Variants in CYP2A7 observed in about 807,000 individuals in gnomAD.
The protein encoded by CYP2A7 is cytochrome P450 2A7.
A neutral mutation model predicts 42.0 loss-of-function variants in CYP2A7; 36 were observed. That is an observed-to-expected ratio of 0.86 (90% CI 0.66 to 1.13). The LOEUF is 1.13. CYP2A7 is among the 50% of genes most tolerant of loss of function. CYP2A7 has a pLI of 0.00. For synonymous variants in CYP2A7, 260 were observed against 249.5 expected (o/e 1.04, Z -0.40); for missense variants, 661 against 634.1 (o/e 1.04, Z -0.46).
chr19:40,875,734 T>C lies in CYP2A7; in HGVS notation c.1444A>G (p.Thr482Ala), dbSNP rs1286095944. 4.4e-6 allele frequency: 7 copies of C among 1,609,124 alleles called. No homozygotes were observed. Among genetic ancestry groups the C allele is most frequent in the Admixed American group, 1.7e-5 (1 of 59,508 alleles). The change falls in exon 9 of 9, where the codon ACG (threonine) becomes GCG (alanine). Residue 482 changes from threonine (T) to alanine (A), a missense_variant. Around this residue, in one of 3 missense-constraint regions of CYP2A7, gnomAD observed 22 missense variants for 19.3 expected, o/e 1.14. Coordinates refer to ENST00000301146, the MANE Select transcript of CYP2A7 (RefSeq NM_000764.3). ...CTCATGGTGTAGTTTCGTGGGATCG[T>C]GGCAAAGACCACGTGTTTGGGGGAC... ...DVSPKHVVFA[T>A]IPRNYTMSFL...
In CYP2A7 at chr19:40,880,174, C is replaced by A. The variant is rs199790043; in HGVS notation, c.564G>T (p.Gly188=). The A allele has an allele frequency of 1.1e-5, 17 of 1,612,814 alleles. No individual in the cohort carries two copies. The African/African-American group carries it at 2.3e-4, about 22-fold the overall frequency. Residue 188 remains glycine, a synonymous_variant, in exon 4 of 9, where the codon GGG becomes GGT. Transcript: ENST00000301146. ...CTTTGTCCTCATAGTCAAAGCGGTC[C>A]CCAAAGACAATGGAGCTGATGACAT... ...VSNVISSIVF[G]DRFDYEDKEF... is the part of the protein sequence containing the mutation.
rs1962802033 is a variant in CYP2A7 at position 40,875,536 on chromosome 19, C to T, written c.*157G>A. The T allele has an allele frequency of 1.1e-5, 11 of 1,023,642 alleles. No individual in the cohort carries two copies. The South Asian group carries it at 1.5e-4, about 14-fold the overall frequency. 63.4% of individuals were successfully genotyped at this position (1,023,642 alleles called of 1,614,324 possible). A position where few individuals can be genotyped will look rare whatever the true frequency, so the allele number is the denominator to read the frequency against. ...CTCGGAAGCACCTTATCAAGGTGAACTGAGCCGCTTCTGTTTCTTCTCTTC... is the reference window on the plus strand; with the variant it reads ...CTCGGAAGCACCTTATCAAGGTGAATTGAGCCGCTTCTGTTTCTTCTCTTC... On this transcript the variant is annotated 3_prime_UTR_variant, in exon 9 of 9. Transcript: ENST00000301146.
intron 7 of CYP2A7, 144 bp from the exon 8 acceptor site, chr19:40,876,812 T>C (rs1967544789): frequency 8.8e-7 from 1 of 1,136,804 alleles, no homozygotes; most frequent in Non-Finnish European, 1.2e-6. Context: ...AGGAGGAGCT[T>C]TGGGGAATAG....
chr19:40,880,075 G>A lies in CYP2A7; in HGVS notation c.654+9C>T. The A allele has an allele frequency of 6.2e-7, 1 of 1,612,240 alleles. No homozygotes were observed. The highest frequency in any genetic ancestry group is 1.1e-5 in the South Asian group (1 of 90,974). On this transcript the variant is annotated intron_variant, in intron 4 of 8. Transcript: ENST00000301146. ...TAGGGGCGTCACGGGCCGGGCTGCA[G>A]CCAGTTACCTGCCCCGTGGAGGTTG... is the stretch of plus-strand genomic sequence containing the variant.
chr19:40,877,615 G>T (rs1422642482), intron 6 of CYP2A7, among the ~76,000 whole-genome samples: 1 of 151,440 alleles, frequency 6.6e-6, no homozygotes, highest in Non-Finnish European at 1.5e-5. Context: ...GGGGGAAGGG[G>T]CAGCGGGCAC....
Position 40,876,768 on chromosome 19 carries a change from A to G in CYP2A7, c.1162-100T>C, listed in dbSNP as rs891576993. The G allele has an allele frequency of 8.7e-5, 128 of 1,464,740 alleles. 2 individuals are homozygous for G. The highest frequency in any genetic ancestry group is 1.2e-4 in the Non-Finnish European group (125 of 1,081,156). 90.7% of individuals were successfully genotyped at this position (1,464,740 alleles called of 1,614,324 possible). On this transcript the variant is annotated intron_variant, in intron 7 of 8. Transcript: ENST00000301146. ...GAACTAGTGTGCCCCAGGTAAGGGG[A>G]AGTGGCAGGCATGGAGGAGTTGGGG...
chr19:40,880,492 G>C lies in CYP2A7; in HGVS notation c.480C>G (p.Ile160Met). Residue 160 changes from isoleucine to methionine, a missense_variant, in exon 3 of 9, where the codon ATC becomes ATG. Transcript: ENST00000301146. Reference sequence around the variant, plus strand: ...AACCTTACTCACCGTGCGTGCTCCGGATGGCCTCGATGAGGAAGCCCGACT... The same window carrying C: ...AACCTTACTCACCGTGCGTGCTCCGCATGGCCTCGATGAGGAAGCCCGACT... Reference protein sequence around the residue: ...QEESGFLIEAIRSTHGANIDP... With the variant: ...QEESGFLIEAMRSTHGANIDP... 1 of 1,612,590 alleles carries C rather than the reference G, an allele frequency of 6.2e-7. No individual in the cohort carries two copies.
In CYP2A7 at chr19:40,880,479, C is replaced by G. The variant is rs376820255; in HGVS notation, c.493G>C (p.Gly165Arg). ...CCCGCACTCGGGGAACCTTACTCAC[C>G]GTGCGTGCTCCGGATGGCCTCGATG... is the stretch of plus-strand genomic sequence containing the variant. The part of the protein sequence containing the change: ...FLIEAIRSTH[G>R]ANIDPTFFLS... The change falls in exon 3 of 9, where the codon GGC (glycine) becomes CGC (arginine). Residue 165 changes from glycine (G) to arginine (R), a missense_variant and splice_region_variant. Gly to Arg is a moderately radical substitution (Grantham distance 125, BLOSUM62 -2). Transcript: ENST00000301146. The G allele has an allele frequency of 1.9e-6, 3 of 1,612,448 alleles. No individual in the cohort carries two copies. The highest frequency in any genetic ancestry group is 1.3e-5 in the African/African-American group (1 of 74,968).
chr19:40,877,004 T>G, intron 7 of CYP2A7, 186 bp downstream of exon 7: 1 of 701,908 alleles, frequency 1.4e-6, no homozygotes, highest in Non-Finnish European at 2.4e-6. Context: ...ACAAAGAGTC[T>G]GGGGAGATGC....
intron 2 of CYP2A7, 94 bp from the exon 3 acceptor site, chr19:40,880,722 G>T: frequency 1.5e-6 from 2 of 1,344,078 alleles, no homozygotes; most frequent in East Asian, 2.6e-5. Context: ...TGGAGCAGAG[G>T]GGTAGTGGGG....
chr19:40,881,671 G>A lies in CYP2A7; in HGVS notation c.261C>T (p.Val87=). The A allele has an allele frequency of 6.2e-7, 1 of 1,613,372 alleles. No individual in the cohort carries two copies. Among genetic ancestry groups the A allele is most frequent in the Non-Finnish European group, 8.5e-7 (1 of 1,179,772 alleles). Residue 87 remains valine, a synonymous_variant, in exon 2 of 9, where the codon GTC becomes GTT. Transcript: ENST00000301146. ...RVVVLCGHDA[V]REALVDQAEE... ...CAGCCTGGTCCACCAGAGCCTCCCTGACGGCATCATGTCCACACAGCACCA... is the reference window on the plus strand; with the variant it reads ...CAGCCTGGTCCACCAGAGCCTCCCTAACGGCATCATGTCCACACAGCACCA...
chr19:40,877,735 T>G, intron 6 of CYP2A7, 117 bp downstream of exon 6: 5 of 1,434,468 alleles, frequency 3.5e-6, no homozygotes, highest in Non-Finnish European at 4.7e-6. Flanking sequence ...GCCCTGTCTC[T>G]GGACAGCAAG....
At chr19:40,879,702 T>G (rs1967610757) in intron 4 of CYP2A7, among the ~76,000 whole-genome samples, 1 of 151,558 alleles carries the variant, frequency 6.6e-6, no homozygotes, top group African/African-American at 2.4e-5. Context: ...GGCTGGATTT[T>G]GCAGCACCAG....
Position 40,880,589 on chromosome 19 carries a change from A to G in CYP2A7, c.383T>C (p.Leu128Pro), listed in dbSNP as rs3815710. Residue 128 changes from leucine to proline, a missense_variant, in exon 3 of 9, where the codon CTG becomes CCG. Physicochemically the swap from Leu to Pro is moderately conservative, Grantham distance 98. Coordinates refer to ENST00000301146, the MANE Select transcript of CYP2A7 (RefSeq NM_000764.3). The part of the protein sequence containing the change: ...FSNGERAKQL[L>P]RFAIATLRDF... ...CCTCAGGGTGGCGATGGCAAAGCGC[A>G]GGAGCTGCTTGGCGCGCTCCCCGTT... 2.9e-6 allele frequency: 4 copies of G among 1,380,074 alleles called. No homozygotes were observed. Among genetic ancestry groups the G allele is most frequent in the South Asian group, 2.7e-5 (2 of 74,254 alleles). 85.5% of individuals were successfully genotyped at this position (1,380,074 alleles called of 1,614,324 possible). A position where few individuals can be genotyped will look rare whatever the true frequency, so the allele number is the denominator to read the frequency against.
chr19:40,878,446 C>T (rs1184333696), intron 5 of CYP2A7, among the ~76,000 whole-genome samples: 3 of 151,828 alleles, frequency 2.0e-5, no homozygotes, highest in South Asian at 2.1e-4. Flanking sequence ...AGTGCAGTGC[C>T]GTGATCTTGG....
In CYP2A7 at chr19:40,880,414, C is replaced by A. The variant is rs1967629251; in HGVS notation, c.493+65G>T. On this transcript the variant is annotated intron_variant, in intron 3 of 8. Coordinates refer to ENST00000301146, the MANE Select transcript of CYP2A7 (RefSeq NM_000764.3). The stretch of plus-strand genomic sequence containing the variant: ...CTAGTCCCCATCCGCAGGCAGAACG[C>A]GCGCGGGTTCCTCGTCCTGGGTGTT... The A allele has an allele frequency of 5.7e-6, 9 of 1,580,112 alleles. No individual in the cohort carries two copies. In the East Asian group the frequency reaches 6.7e-5, roughly 12 times the overall value.
chr19:40,877,015 A>C (rs1967548477), intron 7 of CYP2A7, 175 bp downstream of exon 7: 1 of 719,784 alleles, frequency 1.4e-6, no homozygotes, highest in Non-Finnish European at 2.3e-6. Flanking sequence ...GGGGAGATGC[A>C]GGACTCAGGA....
Position 40,881,634 on chromosome 19 carries a change from C to T in CYP2A7, c.298G>A (p.Gly100Arg), listed in dbSNP as rs770386243. ...TCGAAGGTGGCTTGCTCGCCTCGCCCGCTGAACTCCTCAGCCTGGTCCACC... is the reference window on the plus strand; with the variant it reads ...TCGAAGGTGGCTTGCTCGCCTCGCCTGCTGAACTCCTCAGCCTGGTCCACC... ...ALVDQAEEFS[G>R]RGEQATFDWV... The change falls in exon 2 of 9, where the codon GGG becomes AGG. Residue 100 changes from glycine to arginine, a missense_variant. Transcript: ENST00000301146. 4.5e-5 allele frequency: 72 copies of T among 1,612,848 alleles called. No individual in the cohort carries two copies. Among genetic ancestry groups the T allele is most frequent in the East Asian group, 1.3e-4 (6 of 44,876 alleles).
chr19:40,876,877 T>C, intron 7 of CYP2A7: 2 of 739,642 alleles, frequency 2.7e-6, no homozygotes, highest in South Asian at 2.0e-5. Context: ...CATGTCTTGC[T>C]ACGCAGGTTG....
Sources: gnomAD v4.1 joint callset for allele counts (sites outside exome capture counted in the v4.1 genomes callset) on GRCh38, gnomAD v4.1.1 for gene constraint, gnomAD v4.1.1 regional missense constraint, MANE v1.5 for transcripts, NCBI Gene and HGNC (gene_info 2026-07-23, HGNC 2026-07-21) for gene names.